Variants in DHX8 observed in about 807,000 individuals in gnomAD.
DHX8 encodes the protein ATP-dependent RNA helicase DHX8.
Under a neutral mutation model 140.7 loss-of-function variants are expected in DHX8, and 67 were observed. The observed-to-expected ratio is 0.48, with a 90% confidence interval of 0.39 to 0.58. The LOEUF is 0.58. Ranked by LOEUF, DHX8 falls within the 20% of genes least tolerant of loss-of-function variation. The pLI is 0.00. For missense variants in DHX8, 887 were observed against 1,550.7 expected (o/e 0.57, Z 7.19); for synonymous variants, 533 against 553.2 (o/e 0.96, Z 0.51).
At chr17:43,492,162 T>C (rs2154586364) in intron 4 of DHX8, 21 bp from the exon 5 acceptor site, 1 of 1,597,220 alleles carries the variant, frequency 6.3e-7, no homozygotes, top group African/African-American at 1.3e-5. Flanking sequence ...TTCCTAACTT[T>C]GCCGGCCTCT....
chr17:43,507,330 T>C (rs1969550409), intron 13 of DHX8, 133 bp downstream of exon 13: 1 of 1,143,642 alleles, frequency 8.7e-7, no homozygotes, highest in Non-Finnish European at 1.2e-6. Flanking sequence ...CCCATTGTCA[T>C]AATCAGTCTG....
intron 17 of DHX8, among the ~76,000 whole-genome samples, chr17:43,515,686 A>G (rs933456602): frequency 2.0e-5 from 3 of 152,194 alleles, no homozygotes; most frequent in Non-Finnish European, 4.4e-5. Context: ...TCCAGCTTGT[A>G]TGCTCTATAC....
chr17:43,489,390 C>T, intron 1 of DHX8, 59 bp from the exon 2 acceptor site: 1 of 1,221,544 alleles, frequency 8.2e-7, no homozygotes, highest in Non-Finnish European at 1.2e-6. Context: ...TTTCACCATA[C>T]TTGAAACTGA....
At chr17:43,503,026 T>C (rs1969287153) in intron 11 of DHX8, among the ~76,000 whole-genome samples, 1 of 151,934 alleles carries the variant, frequency 6.6e-6, no homozygotes, top group Admixed American at 6.6e-5. Context: ...TTCTGCTCAT[T>C]TTTTTTTGCT....
chr17:43,537,281 C>A (rs1971292261), intron 3 of DHX8, among the ~76,000 whole-genome samples: 4 of 152,210 alleles, frequency 2.6e-5, no homozygotes, highest in South Asian at 2.1e-4. Flanking sequence ...AGAAGAATCG[C>A]TTGAACCTGG....
At chr17:43,521,337 C>T (rs773424983) in intron 20 of DHX8, 32 bp from the exon 21 acceptor site, 12 of 1,571,360 alleles carry the variant, frequency 7.6e-6, no homozygotes, top group South Asian at 4.6e-5. Context: ...GCTGTTGAGT[C>T]GGAAATGTTC....
At chr17:43,493,420 C>G in intron 6 of DHX8, 25 bp from the exon 7 acceptor site, 7 of 1,612,396 alleles carry the variant, frequency 4.3e-6, no homozygotes, top group Non-Finnish European at 5.9e-6. Flanking sequence ...TTGGCATGTT[C>G]CAGATGTGTC....
chr17:43,535,561 G>A (rs2154587151), intron 2 of DHX8, among the ~76,000 whole-genome samples: 1 of 152,324 alleles, frequency 6.6e-6, no homozygotes, highest in African/African-American at 2.4e-5. Context: ...ACAGGCGTGA[G>A]CCACCACACC....
intron 3 of DHX8, among the ~76,000 whole-genome samples, chr17:43,541,927 C>T (rs574376668): frequency 6.6e-6 from 1 of 152,088 alleles, no homozygotes; most frequent in South Asian, 2.1e-4. Flanking sequence ...ACAGACATGC[C>T]GAGGCACCAG....
intron 2 of DHX8, chr17:43,533,857 A>ACCTGGAGTAAAGG (rs1971093228): frequency 6.2e-7 from 1 of 1,606,414 alleles, no homozygotes; most frequent in Non-Finnish European, 8.5e-7. Flanking sequence ...GCTGGGGCTC[A>ACCTGGAGTAAAGG]CCTGGAGTAA....
At chr17:43,508,290 A>G in intron 15 of DHX8, 49 bp from the exon 16 acceptor site, 1 of 1,571,790 alleles carries the variant, frequency 6.4e-7, no homozygotes, top group Non-Finnish European at 8.6e-7. Context: ...CTTGTATAGG[A>G]CACACATACA....
chr17:43,536,271 C>G (rs1567712120), intron 2 of DHX8: 1 of 714,444 alleles, frequency 1.4e-6, no homozygotes, highest in African/African-American at 1.8e-5. Context: ...AGATTTCAAC[C>G]AAGGTTTTCA....
intron 16 of DHX8, among the ~76,000 whole-genome samples, 181 bp downstream of exon 16, chr17:43,508,701 G>A (rs1407032689): frequency 6.7e-6 from 1 of 150,266 alleles, no homozygotes; most frequent in Non-Finnish European, 1.5e-5. Context: ...CTCACTGCAA[G>A]CTCCGCCTCC....
At chr17:43,544,090 C>T (rs1889113707) in intron 3 of DHX8, 1 of 152,212 alleles carries the variant, frequency 6.6e-6, no homozygotes, top group Admixed American at 6.5e-5. Flanking sequence ...TTAAAATAAA[C>T]CCTAAGATGG....
At chr17:43,499,852 C>T (rs974381560) in intron 10 of DHX8, 104 bp from the exon 11 acceptor site, 1 of 1,293,682 alleles carries the variant, frequency 7.7e-7, no homozygotes, top group East Asian at 2.3e-5. Flanking sequence ...TTGATAAGAA[C>T]TTTATTCCAG....
At chr17:43,529,236 C>T (rs768810889), downstream of DHX8, 5 of 1,613,934 alleles carry the variant, frequency 3.1e-6, no homozygotes, top group Non-Finnish European at 4.2e-6. Context: ...AGCCTGGCGA[C>T]CTGGGAACAA....
At chr17:43,514,187 T>A (rs548121467) in intron 17 of DHX8, among the ~76,000 whole-genome samples, 18 of 151,432 alleles carry the variant, frequency 1.2e-4, no homozygotes, top group South Asian at 1.0e-3. Flanking sequence ...ATAAAAAATT[T>A]AAAAAAAATT....
chr17:43,537,720 C>T (rs906587108), intron 3 of DHX8, among the ~76,000 whole-genome samples: 2 of 151,578 alleles, frequency 1.3e-5, no homozygotes, highest in African/African-American at 4.8e-5. Context: ...AAAGGCCGGG[C>T]ATGGTGGCTC....
intron 2 of DHX8, among the ~76,000 whole-genome samples, chr17:43,536,104 C>T (rs1033632147): frequency 2.0e-5 from 3 of 150,108 alleles, no homozygotes; most frequent in Non-Finnish European, 3.0e-5. Context: ...GAGCAAGACT[C>T]TGTCTTGGGG....
Sources: gnomAD v4.1 joint callset for allele counts (sites outside exome capture counted in the v4.1 genomes callset) on GRCh38, gnomAD v4.1.1 for gene constraint, MANE v1.5 for transcripts, NCBI Gene and HGNC (gene_info 2026-07-23, HGNC 2026-07-21) for gene names.